The following EVC2 variants were observed in gnomAD, a reference collection of about 807,000 sequenced individuals.
EVC2 encodes the protein EvC ciliary complex subunit 2.
EVC2 carries 148 observed loss-of-function variants against 149.3 expected under a neutral mutation model. That is an observed-to-expected ratio of 0.99 (90% CI 0.87 to 1.14). The LOEUF (loss-of-function observed/expected upper bound fraction) is 1.14. Ranked by LOEUF, EVC2 falls within the 50% of genes most tolerant of loss-of-function variation. The probability of loss-of-function intolerance (pLI) is 0.00; values close to 1 mark genes in which losing one functional copy is unlikely to be tolerated. For missense variants in EVC2, 1,854 were observed against 1,627.3 expected, an observed-to-expected ratio of 1.14 and a Z score of -2.40; for synonymous variants, 776 against 649.9, an observed-to-expected ratio of 1.19 and a Z score of -2.95.
Position 5,694,501 on chromosome 4 carries a change from A to T in EVC2, c.284T>A (p.Val95Glu). ...CAATTTCATTCCAAGTGGTGCTTCC[A>T]CTGCAAAACAACAACACACCCGTTT... ...KVECCHFKTA[V>E]EAPLGMKLDK... The change falls in exon 3 of 22, where the codon GTG (valine) becomes GAG (glutamate). Residue 95 changes from valine to glutamate, a missense_variant and splice_region_variant. Val to Glu is a moderately radical substitution (Grantham distance 121, BLOSUM62 -2). Transcript: ENST00000344408. 1.2e-6 allele frequency: 2 copies of T among 1,614,224 alleles called. No individual in the cohort carries two copies. Among genetic ancestry groups the T allele is most frequent in the Non-Finnish European group, 1.7e-6 (2 of 1,180,046 alleles).
chr4:5,584,201 C>T (rs570649589), intron 17 of EVC2, among the ~76,000 whole-genome samples: 7 of 152,232 alleles, frequency 4.6e-5, no homozygotes, highest in African/African-American at 7.2e-5. Flanking sequence ...TTTTGTTTTA[C>T]GGATATACCT....
chr4:5,530,986 A>G, the EVC2 span, among the ~76,000 whole-genome samples: 1 of 152,208 alleles, frequency 6.6e-6, no homozygotes, highest in Admixed American at 6.5e-5. Flanking sequence ...AGACCAGTGC[A>G]TCTCTAGCCT....
chr4:5,691,193 G>A (rs569156753), intron 4 of EVC2, 72 bp downstream of exon 4: 4 of 1,324,444 alleles, frequency 3.0e-6, no homozygotes, highest in East Asian at 4.6e-5. Flanking sequence ...TTAAATACAT[G>A]ACTCTAATAA....
intron 9 of EVC2, among the ~76,000 whole-genome samples, chr4:5,645,736 T>C (rs1717662742): frequency 6.6e-6 from 1 of 152,216 alleles, no homozygotes; most frequent in Admixed American, 6.5e-5. Context: ...TGTGTATGTG[T>C]CTTTACGACA....
intron 7 of EVC2, among the ~76,000 whole-genome samples, chr4:5,674,696 C>A (rs1192560786): frequency 1.3e-5 from 2 of 152,090 alleles, no homozygotes; most frequent in Non-Finnish European, 2.9e-5. Context: ...TAATGGAAAA[C>A]AAAGGCGCCC....
intron 8 of EVC2, among the ~76,000 whole-genome samples, chr4:5,664,618 C>T (rs1033445512): frequency 6.6e-6 from 1 of 152,136 alleles, no homozygotes; most frequent in African/African-American, 2.4e-5. Context: ...AAATGACAAT[C>T]CTCTCCTCCA....
intron 16 of EVC2, among the ~76,000 whole-genome samples, chr4:5,594,368 G>C (rs1414389625): frequency 6.6e-6 from 1 of 152,156 alleles, no homozygotes; most frequent in Non-Finnish European, 1.5e-5. Context: ...ACTCCTCTGA[G>C]ACAAAACTTC....
In EVC2 at chr4:5,623,570, C is replaced by T. The variant is rs185345494; in HGVS notation, c.2047-579G>A. Reference sequence around the variant, plus strand: ...GGCTGAGCTCCTCTTGAACTCCTGACCTCAAGTGATCTACCCACCTCGGCC... The same window carrying T: ...GGCTGAGCTCCTCTTGAACTCCTGATCTCAAGTGATCTACCCACCTCGGCC... On this transcript the variant is annotated intron_variant, in intron 13 of 21. Coordinates refer to ENST00000344408, the MANE Select transcript of EVC2 (RefSeq NM_147127.5). Among the ~76,000 whole-genome samples the T allele has an allele frequency of 2.6e-3, 397 of 152,194 alleles. 1 individual carries two copies. The highest frequency in any genetic ancestry group is 9.1e-3 in the African/African-American group (376 of 41,492).
intron 9 of EVC2, among the ~76,000 whole-genome samples, chr4:5,649,803 T>C (rs1024702081): frequency 7.9e-5 from 12 of 152,188 alleles, no homozygotes; most frequent in Non-Finnish European, 7.3e-5. Context: ...CTAATTCCAA[T>C]GGACAGATAA....
At chr4:5,680,641 G>A (rs879074790) in intron 7 of EVC2, among the ~76,000 whole-genome samples, 2 of 152,252 alleles carry the variant, frequency 1.3e-5, no homozygotes, top group East Asian at 1.9e-4. Flanking sequence ...AATGTGCCTC[G>A]GTTTCCCCAT....
intron 9 of EVC2, among the ~76,000 whole-genome samples, chr4:5,642,539 CT>C (rs1453226137): frequency 6.6e-6 from 1 of 152,180 alleles, no homozygotes; most frequent in East Asian, 1.9e-4. Context: ...ATTACAAAAT[CT>C]AAAACAATCC....
downstream of EVC2, among the ~76,000 whole-genome samples, chr4:5,561,172 T>C (rs1309238124): frequency 6.6e-6 from 1 of 152,206 alleles, no homozygotes; most frequent in Non-Finnish European, 1.5e-5. Context: ...CAGGAAATTA[T>C]CAGAAATGCA....
chr4:5,691,816 C>T (rs2151734424), intron 3 of EVC2, among the ~76,000 whole-genome samples: 1 of 152,320 alleles, frequency 6.6e-6, no homozygotes, highest in Middle Eastern at 3.4e-3. Context: ...TGCTTGGCCT[C>T]CTCCAGCCCT....
chr4:5,532,588 T>A, the EVC2 span, among the ~76,000 whole-genome samples: 4 of 152,122 alleles, frequency 2.6e-5, no homozygotes, highest in Admixed American at 6.5e-5. Context: ...GCCCACCTCA[T>A]CTGCCAGCAA....
chr4:5,645,435 T>C (rs1367345329), intron 9 of EVC2, among the ~76,000 whole-genome samples: 2 of 151,274 alleles, frequency 1.3e-5, no homozygotes, highest in African/African-American at 2.5e-5. Flanking sequence ...TGATAGGCCC[T>C]AATGTCTGTT....
At chr4:5,554,569 A>G (rs1243800411) in intron 21 of EVC2, among the ~76,000 whole-genome samples, 1 of 152,200 alleles carries the variant, frequency 6.6e-6, no homozygotes, top group Non-Finnish European at 1.5e-5. Context: ...AAGCATCTGC[A>G]TGACCTTATC....
rs868434387 is a variant in EVC2, at chr4:5,691,273, A to G, written c.511T>C (p.Cys171Arg). The change falls in exon 4 of 22, where the codon TGT becomes CGT. Residue 171 changes from cysteine to arginine, a missense_variant. By Grantham distance (180) the Cys-to-Arg change is radical. Transcript: ENST00000344408. Reference protein sequence around the residue: ...TSENGVIFQKCALVSGSSEAQ... With the variant: ...TSENGVIFQKRALVSGSSEAQ... ...CACCAGTGGAAACTTACCAGTGCAC[A>G]TTTCTGAAAAATTACTCCATTTTCA... The G allele has an allele frequency of 1.9e-6, 3 of 1,613,596 alleles. 1 individual carries two copies. The highest frequency in any genetic ancestry group is 2.2e-5 in the South Asian group (2 of 91,064).
At position 5,706,369 on chromosome 4, in the gene EVC2, CATAG is replaced by C. The variant is rs1324726079; in HGVS notation, c.228+1913_228+1916del. On this transcript the variant is annotated intron_variant, in intron 1 of 21. Coordinates refer to ENST00000344408, the MANE Select transcript of EVC2 (RefSeq NM_147127.5). ...AGATAGATAGACACATAGATAGATA[CATAG>C]ATAGATACATAGATAGATACATAGA... Among the ~76,000 whole-genome samples the C allele has an allele frequency of 2.8e-3, 21 of 7,550 alleles. 2 individuals carry two copies. Among genetic ancestry groups the C allele is most frequent in the African/African-American group, 0.013 (18 of 1,374 alleles). 5.0% of individuals were successfully genotyped at this position (7,550 alleles called of 152,430 possible).
intron 15 of EVC2, among the ~76,000 whole-genome samples, chr4:5,617,953 T>C (rs2108832321): frequency 6.6e-6 from 1 of 152,246 alleles, no homozygotes; most frequent in East Asian, 1.9e-4. Context: ...GAGCAAAAAC[T>C]GTACCAAAGA....
Sources: gnomAD v4.1 joint callset for allele counts (sites outside exome capture counted in the v4.1 genomes callset) on GRCh38, gnomAD v4.1.1 for gene constraint, MANE v1.5 for transcripts, NCBI Gene and HGNC (gene_info 2026-07-23, HGNC 2026-07-21) for gene names.